The following DLGAP2 variants were observed in gnomAD, a reference collection of about 807,000 sequenced individuals.
The protein encoded by DLGAP2 is DLG associated protein 2, also known as disks large-associated protein 2.
In DLGAP2, 26 loss-of-function variants were observed where a neutral mutation model predicts 100.3. The ratio of observed to expected loss-of-function variants is 0.26; its 90% confidence interval spans 0.19 to 0.36. The LOEUF (loss-of-function observed/expected upper bound fraction) is 0.36. Ranked by LOEUF, DLGAP2 falls within the 10% of genes least tolerant of loss-of-function variation. The probability of loss-of-function intolerance (pLI) is 1.00; values close to 1 mark genes in which losing one functional copy is unlikely to be tolerated. For missense variants in DLGAP2, 1,858 were observed against 1,453.2 expected (o/e 1.28, Z -4.53); for synonymous variants, 886 against 630.1 (o/e 1.41, Z -6.08).
intron 2 of DLGAP2, among the ~76,000 whole-genome samples, chr8:1,171,158 G>A (rs982296706): frequency 6.6e-6 from 1 of 152,198 alleles, no homozygotes; most frequent in Non-Finnish European, 1.5e-5. Flanking sequence ...TCCTTCAGGA[G>A]AAGGTTGTTC....
intron 2 of DLGAP2, among the ~76,000 whole-genome samples, chr8:1,095,749 CT>C (rs2129042477): frequency 6.6e-6 from 1 of 152,330 alleles, no homozygotes; most frequent in East Asian, 1.9e-4. Context: ...TCTTAAATGT[CT>C]TTTTCTTTTT....
intron 6 of DLGAP2, among the ~76,000 whole-genome samples, chr8:1,609,640 C>A (rs575179814): frequency 0.011 from 1,236 of 115,954 alleles, 47 homozygotes; most frequent in African/African-American, 0.034. Flanking sequence ...ATTCAGGAAA[C>A]CCATCTCACG....
rs375810877 is a variant in DLGAP2, at chr8:1,705,691, C to G, written c.*4285C>G. 1 of 152,214 alleles carries G rather than the reference C, an allele frequency of 6.6e-6. No homozygotes were observed. Among genetic ancestry groups the G allele is most frequent in the Non-Finnish European group, 1.5e-5 (1 of 68,032 alleles). 9.4% of individuals were successfully genotyped at this position (152,214 alleles called of 1,614,324 possible). A position where few individuals can be genotyped will look rare whatever the true frequency, so the allele number is the denominator to read the frequency against. On this transcript the variant is annotated 3_prime_UTR_variant, in exon 15 of 15. Transcript: ENST00000637795. ...TGGTTCCTGCCTGCTCATTTCCCAGCCCTCTTCTTCTCAAGCCTGAACTTC... is the reference window on the plus strand; with the variant it reads ...TGGTTCCTGCCTGCTCATTTCCCAGGCCTCTTCTTCTCAAGCCTGAACTTC...
chr8:852,648 A>G (rs1275171014), intron 1 of DLGAP2, among the ~76,000 whole-genome samples: 1 of 152,114 alleles, frequency 6.6e-6, no homozygotes, highest in African/African-American at 2.4e-5. Flanking sequence ...AGTAGACGGG[A>G]TTTGTACTGA....
At chr8:1,447,744 A>G (rs1045145157) in intron 3 of DLGAP2, among the ~76,000 whole-genome samples, 1 of 152,164 alleles carries the variant, frequency 6.6e-6, no homozygotes, top group Non-Finnish European at 1.5e-5. Context: ...TAAGCTATTG[A>G]TTATTGCCAC....
At chr8:1,589,394 C>G (rs1234331797) in intron 6 of DLGAP2, among the ~76,000 whole-genome samples, 1 of 152,180 alleles carries the variant, frequency 6.6e-6, no homozygotes, top group East Asian at 1.9e-4. Flanking sequence ...TTCAAAGCCT[C>G]AGAAATGAAA....
intron 1 of DLGAP2, among the ~76,000 whole-genome samples, chr8:810,269 G>A (rs892907816): frequency 6.6e-6 from 1 of 152,140 alleles, no homozygotes; most frequent in African/African-American, 2.4e-5. Context: ...TGCAATACTT[G>A]ACAATTTAAT....
chr8:825,257 G>T (rs1796665257), intron 1 of DLGAP2, among the ~76,000 whole-genome samples: 1 of 152,238 alleles, frequency 6.6e-6, no homozygotes, highest in African/African-American at 2.4e-5. Flanking sequence ...CCACACAGCT[G>T]TTGGATCAGG....
At chr8:1,418,738 C>T (rs1430629733) in intron 3 of DLGAP2, among the ~76,000 whole-genome samples, 1 of 152,160 alleles carries the variant, frequency 6.6e-6, no homozygotes, top group Non-Finnish European at 1.5e-5. Flanking sequence ...ACTACCAGGA[C>T]ACCAACTGGG....
chr8:1,272,724 G>A (rs772286451), intron 3 of DLGAP2, among the ~76,000 whole-genome samples: 4 of 152,112 alleles, frequency 2.6e-5, no homozygotes, highest in Non-Finnish European at 4.4e-5. Context: ...TGGTGTCAAG[G>A]TTTCAGGGTC....
intron 2 of DLGAP2, among the ~76,000 whole-genome samples, chr8:1,146,658 C>T (rs749131717): frequency 1.3e-4 from 20 of 151,910 alleles, no homozygotes; most frequent in Non-Finnish European, 2.6e-4. Context: ...TGTGCATGCA[C>T]GTGTGTGTGC....
intron 2 of DLGAP2, among the ~76,000 whole-genome samples, chr8:1,050,895 G>C (rs752358539): frequency 1.2e-4 from 18 of 151,518 alleles, no homozygotes; most frequent in Non-Finnish European, 2.6e-4. Flanking sequence ...TGACCTATGG[G>C]CCTTAGATCG....
chr8:894,444 C>G (rs1435706079), intron 1 of DLGAP2, among the ~76,000 whole-genome samples: 2 of 151,840 alleles, frequency 1.3e-5, no homozygotes, highest in Non-Finnish European at 2.9e-5. Context: ...ACTATTTAGC[C>G]TTAAAAAAGA....
intron 1 of DLGAP2, among the ~76,000 whole-genome samples, chr8:776,287 C>G (rs1419314140): frequency 2.6e-5 from 4 of 151,854 alleles, no homozygotes; most frequent in Admixed American, 6.6e-5. Context: ...TTTGTTGATC[C>G]TTTCAAGAAA....
At chr8:1,318,583 C>G (rs925598763) in intron 3 of DLGAP2, among the ~76,000 whole-genome samples, 2 of 151,538 alleles carry the variant, frequency 1.3e-5, no homozygotes, top group Non-Finnish European at 2.9e-5. Flanking sequence ...AGTTTATCAC[C>G]TAGGGGAACA....
At chr8:1,029,495 G>A (rs186797727) in intron 2 of DLGAP2, among the ~76,000 whole-genome samples, 156 of 152,124 alleles carry the variant, frequency 1.0e-3, no homozygotes, top group African/African-American at 3.3e-3. Flanking sequence ...CTGGGGGGAT[G>A]GCCAAGGGCG....
intron 6 of DLGAP2, among the ~76,000 whole-genome samples, chr8:1,567,708 G>T (rs780951954): frequency 5.9e-5 from 9 of 152,088 alleles, no homozygotes; most frequent in Non-Finnish European, 1.3e-4. Flanking sequence ...ATGTTCAAAG[G>T]ACACTCTCAG....
intron 3 of DLGAP2, among the ~76,000 whole-genome samples, chr8:1,364,710 G>C (rs192383470): frequency 6.6e-6 from 1 of 152,350 alleles, no homozygotes; most frequent in East Asian, 1.9e-4. Context: ...TAAAGCTTGC[G>C]TGGGGGAGAC....
At chr8:1,438,501 C>T (rs1231755045) in intron 3 of DLGAP2, among the ~76,000 whole-genome samples, 1 of 152,052 alleles carries the variant, frequency 6.6e-6, no homozygotes, top group African/African-American at 2.4e-5. Context: ...AACCACCATA[C>T]GTATGTAAGT....
Sources: allele counts gnomAD v4.1 joint callset (sites outside exome capture counted in the v4.1 genomes callset), GRCh38; gene constraint gnomAD v4.1.1; transcripts MANE v1.5; gene names NCBI Gene and HGNC (gene_info 2026-07-23, HGNC 2026-07-21).